Variants in CADM2 observed in about 807,000 individuals in gnomAD.
The protein encoded by CADM2 is immunoglobulin superfamily member 4D.
A neutral mutation model predicts 49.8 loss-of-function variants in CADM2; 12 were observed. The observed-to-expected ratio is 0.24, with a 90% CI of 0.15 to 0.39. The LOEUF is 0.39. Ranked by LOEUF, CADM2 falls within the 10% of genes least tolerant of loss-of-function variation. The probability of loss-of-function intolerance (pLI) is 1.00; values close to 1 mark genes in which losing one functional copy is unlikely to be tolerated. For synonymous variants in CADM2, 214 were observed against 175.4 expected, an observed-to-expected ratio of 1.22 and a Z score of -1.74; for missense variants, 378 against 492.3, an observed-to-expected ratio of 0.77 and a Z score of 2.20.
Position 85,296,220 on chromosome 3 carries a change from A to T in CADM2, c.61+336552A>T, listed in dbSNP as rs150952541. ...GACAAATGATGACTTTGAGAAAGTA[A>T]ATCTATAGTTTGAGTTCATGAGGTA... On this transcript the variant is annotated intron_variant, in intron 1 of 9. Coordinates refer to ENST00000383699, the MANE Select transcript of CADM2 (RefSeq NM_001167675.2). 6.2e-3 allele frequency among the ~76,000 whole-genome samples: 948 copies of T among 152,172 alleles called. 3 individuals carry two copies. The highest frequency in any genetic ancestry group is 0.011 in the Non-Finnish European group (753 of 67,978).
chr3:85,880,609 A>G (rs1407114726), intron 3 of CADM2, among the ~76,000 whole-genome samples: 1 of 152,202 alleles, frequency 6.6e-6, no homozygotes, highest in Non-Finnish European at 1.5e-5. Flanking sequence ...AAGTTGAAAA[A>G]TGCACCACTT....
At chr3:85,629,073 C>T (rs62263929) in intron 1 of CADM2, among the ~76,000 whole-genome samples, 44,361 of 151,322 alleles carry the variant, frequency 0.29, 7,901 homozygotes, top group East Asian at 0.61. Flanking sequence ...ATAGTTAACC[C>T]GCTTTCATGT....
Position 85,490,317 on chromosome 3 carries a change from G to C in CADM2, c.62-236205G>C, listed in dbSNP as rs116170032. 2.6e-3 allele frequency among the ~76,000 whole-genome samples: 388 copies of C among 152,094 alleles called. 4 individuals carry two copies. The highest frequency in any genetic ancestry group is 9.1e-3 in the African/African-American group (376 of 41,490). ...TGTAACTCAAATTTCTATTTCCCCT[G>C]TGTCGGCTGCACAATGAATTATATA... is the stretch of plus-strand genomic sequence containing the variant. On this transcript the variant is annotated intron_variant, in intron 1 of 9. Coordinates refer to ENST00000383699, the MANE Select transcript of CADM2 (RefSeq NM_001167675.2).
At chr3:85,527,923 G>T (rs1380387161) in intron 1 of CADM2, among the ~76,000 whole-genome samples, 1 of 152,046 alleles carries the variant, frequency 6.6e-6, no homozygotes, top group African/African-American at 2.4e-5. Context: ...TCTATTTTGA[G>T]TTCAGTCTAT....
intron 3 of CADM2, among the ~76,000 whole-genome samples, chr3:85,862,625 C>T (rs1306724848): frequency 6.6e-6 from 1 of 151,816 alleles, no homozygotes; most frequent in Non-Finnish European, 1.5e-5. Flanking sequence ...TGTTAATTGC[C>T]ACATATAAAT....
intron 8 of CADM2, among the ~76,000 whole-genome samples, chr3:86,024,291 A>G (rs1733587837): frequency 6.6e-6 from 1 of 152,200 alleles, no homozygotes; most frequent in Admixed American, 6.5e-5. Flanking sequence ...ATCTAATTTT[A>G]TCATTTCAAT....
chr3:85,318,205 A>G (rs2044514208), intron 1 of CADM2, among the ~76,000 whole-genome samples: 1 of 151,426 alleles, frequency 6.6e-6, no homozygotes, highest in South Asian at 2.1e-4. Context: ...AAAAATATAT[A>G]TATAGTCACA....
intron 1 of CADM2, among the ~76,000 whole-genome samples, chr3:85,232,774 A>G (rs2042323628): frequency 6.6e-6 from 1 of 152,102 alleles, no homozygotes; most frequent in Admixed American, 6.6e-5. Context: ...AGCAATACTG[A>G]CTCTCATTCA....
At chr3:85,748,471 A>G (rs999332658) in intron 2 of CADM2, among the ~76,000 whole-genome samples, 4 of 152,108 alleles carry the variant, frequency 2.6e-5, no homozygotes, top group African/African-American at 9.7e-5. Context: ...GTGTTTGTGC[A>G]GGAACTCTGA....
intron 2 of CADM2, among the ~76,000 whole-genome samples, chr3:85,745,349 G>A (rs77823788): frequency 0.1 from 15,477 of 152,086 alleles, 895 homozygotes; most frequent in South Asian, 0.12. Context: ...TTTCCTGACT[G>A]TGTGTCTTCT....
chr3:85,035,141 G>A (rs1194427537), intron 1 of CADM2, among the ~76,000 whole-genome samples: 1 of 152,052 alleles, frequency 6.6e-6, no homozygotes, highest in African/African-American at 2.4e-5. Context: ...GTATCTCGCT[G>A]CAGTTTTAAT....
chr3:85,380,335 C>CT (rs1023814393), intron 1 of CADM2, among the ~76,000 whole-genome samples: 2 of 151,622 alleles, frequency 1.3e-5, no homozygotes, highest in Non-Finnish European at 2.9e-5. Context: ...ATAAATGTTG[C>CT]TTTTTTTGCC....
intron 1 of CADM2, among the ~76,000 whole-genome samples, chr3:85,164,337 A>G (rs2040412281): frequency 6.6e-6 from 1 of 152,066 alleles, no homozygotes; most frequent in Non-Finnish European, 1.5e-5. Context: ...ATGAACTTAC[A>G]GACACTACCA....
At position 85,936,162 on chromosome 3, in the gene CADM2, C is replaced by T. The variant is rs144990611; in HGVS notation, c.791+305C>T. Among the ~76,000 whole-genome samples the T allele has an allele frequency of 5.5e-3, 829 of 151,778 alleles. 28 individuals are homozygous for T. Among genetic ancestry groups the T allele is most frequent in the Admixed American group, 0.049 (738 of 15,178 alleles). On this transcript the variant is annotated intron_variant, in intron 7 of 9. Transcript: ENST00000383699. ...TGTTCATATCATCAGAGTATAAAAG[C>T]AGCACACCGTTGAATTCAGTTCTCC...
chr3:85,062,008 A>G (rs2036339635), intron 1 of CADM2, among the ~76,000 whole-genome samples: 1 of 151,460 alleles, frequency 6.6e-6, no homozygotes, highest in African/African-American at 2.4e-5. Context: ...TTACATACAC[A>G]CATTCTGTCT....
chr3:85,507,284 T>A (rs900423447), intron 1 of CADM2, among the ~76,000 whole-genome samples: 22 of 151,494 alleles, frequency 1.5e-4, no homozygotes, highest in African/African-American at 5.1e-4. Flanking sequence ...CCCTCCCATG[T>A]TCAAACGATT....
At chr3:85,861,075 G>A (rs935776650) in intron 3 of CADM2, among the ~76,000 whole-genome samples, 3 of 152,152 alleles carry the variant, frequency 2.0e-5, no homozygotes, top group African/African-American at 7.2e-5. Flanking sequence ...GGTTTTCAGT[G>A]AGCAGGACAG....
intron 6 of CADM2, among the ~76,000 whole-genome samples, chr3:85,927,855 T>C (rs1720077680): frequency 6.6e-6 from 1 of 152,158 alleles, no homozygotes; most frequent in Non-Finnish European, 1.5e-5. Flanking sequence ...TTTTTCCTGA[T>C]AAAACATTTA....
At chr3:85,369,007 T>C (rs2033002611) in intron 1 of CADM2, among the ~76,000 whole-genome samples, 1 of 152,120 alleles carries the variant, frequency 6.6e-6, no homozygotes, top group Non-Finnish European at 1.5e-5. Flanking sequence ...AAATCTAATG[T>C]ATAGAAATAG....
Sources: allele counts gnomAD v4.1 joint callset (sites outside exome capture counted in the v4.1 genomes callset), GRCh38; gene constraint gnomAD v4.1.1; transcripts MANE v1.5; gene names NCBI Gene and HGNC (gene_info 2026-07-23, HGNC 2026-07-21).